The following N4BP2L2 variants were observed in gnomAD, a reference collection of about 807,000 sequenced individuals.
The protein encoded by N4BP2L2 is NEDD4-binding protein 2-like 2.
A neutral mutation model predicts 56.2 loss-of-function variants in N4BP2L2; 50 were observed. That is an observed-to-expected ratio of 0.89 (90% CI 0.71 to 1.13). The LOEUF (loss-of-function observed/expected upper bound fraction) is 1.13. Among genes scored for constraint, N4BP2L2 ranks in the 50% most tolerant of loss-of-function variants. The pLI is 0.00. For synonymous variants in N4BP2L2, 203 were observed against 223.6 expected (o/e 0.91, Z 0.82); for missense variants, 689 against 693.8 (o/e 0.99, Z 0.08).
At chr13:32,435,995 T>C (rs1363940488) in intron 9 of N4BP2L2, among the ~76,000 whole-genome samples, 1 of 152,200 alleles carries the variant, frequency 6.6e-6, no homozygotes, top group Non-Finnish European at 1.5e-5. Flanking sequence ...TCCTAGAGAA[T>C]CTAATATTTA....
At chr13:32,478,125 G>C (rs144838586) in intron 6 of N4BP2L2, 1 of 1,153,004 alleles carries the variant, frequency 8.7e-7, no homozygotes, top group South Asian at 1.4e-5. Context: ...AGTAAATAAC[G>C]TCTACGCCAT....
chr13:32,518,051 G>C (rs772875009), intron 5 of N4BP2L2, 48 bp from the exon 6 acceptor site: 1 of 1,535,702 alleles, frequency 6.5e-7, no homozygotes, highest in Admixed American at 2.0e-5. Flanking sequence ...GAATGTACAG[G>C]CTTAGAGATT....
intron 2 of N4BP2L2, among the ~76,000 whole-genome samples, chr13:32,534,391 A>T (rs2055939059): frequency 6.6e-6 from 1 of 151,846 alleles, no homozygotes; most frequent in Non-Finnish European, 1.5e-5. Context: ...TTCTATACCC[A>T]CTCTTAGTCA....
intron 6 of N4BP2L2, among the ~76,000 whole-genome samples, chr13:32,492,390 C>T (rs2087367727): frequency 6.7e-6 from 1 of 149,272 alleles, no homozygotes; most frequent in African/African-American, 2.5e-5. Context: ...TCACGCCATT[C>T]CCCTGCCTCA....
At chr13:32,536,798 T>A in exon 2 of N4BP2L2, 1 of 1,614,112 alleles carries the variant, frequency 6.2e-7, no homozygotes, top group East Asian at 2.2e-5. Flanking sequence ...TCTATGCAAA[T>A]CTGTAGTTTT....
At chr13:32,453,045 G>C (rs556473120) in intron 6 of N4BP2L2, among the ~76,000 whole-genome samples, 6 of 152,030 alleles carry the variant, frequency 3.9e-5, no homozygotes, top group African/African-American at 1.4e-4. Flanking sequence ...GATCACCTAC[G>C]GTTGGGAATT....
At chr13:32,434,248 C>CTTTTTTTTTTTTTTTTTTTTTTTTTTT (rs369328452) in intron 9 of N4BP2L2, among the ~76,000 whole-genome samples, 1 of 112,038 alleles carries the variant, frequency 8.9e-6, no homozygotes. Context: ...AGCTAATTTT[C>CTTTTTTTTTTTTTTTTTTTTTTTTTTT]TTTTTTTCTT....
At chr13:32,484,860 G>A (rs2085539781) in intron 6 of N4BP2L2, among the ~76,000 whole-genome samples, 2 of 152,302 alleles carry the variant, frequency 1.3e-5, no homozygotes, top group South Asian at 4.1e-4. Context: ...GTTAGAATAT[G>A]TTGAATTATT....
downstream of N4BP2L2, chr13:32,508,325 G>A (rs2091269824): frequency 6.6e-6 from 1 of 152,138 alleles, no homozygotes; most frequent in Non-Finnish European, 1.5e-5. Flanking sequence ...TTTTAAATCG[G>A]AAGACTTGAT....
At chr13:32,453,940 T>C (rs776083082) in intron 6 of N4BP2L2, among the ~76,000 whole-genome samples, 1 of 152,154 alleles carries the variant, frequency 6.6e-6, no homozygotes, top group Non-Finnish European at 1.5e-5. Flanking sequence ...CCACTGTCAG[T>C]TGGGGTAAGG....
intron 2 of N4BP2L2, 67 bp from the exon 3 acceptor site, chr13:32,527,599 GAAAT>G (rs1465792029): frequency 1.2e-5 from 18 of 1,510,522 alleles, no homozygotes; most frequent in Middle Eastern, 3.4e-4. Flanking sequence ...TAAACTATCA[GAAAT>G]AAATATAACC....
intron 6 of N4BP2L2, among the ~76,000 whole-genome samples, chr13:32,468,268 CA>C (rs59875338): frequency 0.042 from 4,399 of 103,888 alleles, 142 homozygotes; most frequent in African/African-American, 0.14. Context: ...CAAAAAGAGA[CA>C]AAAAAAAAAA....
chr13:32,487,138 GTAAC>G (rs2086064487), intron 6 of N4BP2L2, among the ~76,000 whole-genome samples: 1 of 152,114 alleles, frequency 6.6e-6, no homozygotes, highest in Non-Finnish European at 1.5e-5. Context: ...ACCTGCCTAG[GTAAC>G]ATGGTGAGAC....
At chr13:32,465,885 C>A (rs1401753446) in intron 6 of N4BP2L2, among the ~76,000 whole-genome samples, 4 of 152,158 alleles carry the variant, frequency 2.6e-5, no homozygotes, top group Non-Finnish European at 5.9e-5. Context: ...AACTCCTGAC[C>A]TCATGATCCA....
At chr13:32,535,938 C>G (rs2056441481) in exon 2 of N4BP2L2, 2 of 1,614,070 alleles carry the variant, frequency 1.2e-6, no homozygotes, top group East Asian at 2.2e-5. Flanking sequence ...TCACAGAAAC[C>G]ATTACTCACA....
chr13:32,455,788 G>A (rs768458905), intron 6 of N4BP2L2, among the ~76,000 whole-genome samples: 6 of 152,044 alleles, frequency 3.9e-5, no homozygotes, highest in Admixed American at 6.5e-5. Flanking sequence ...CGGGATCTCC[G>A]CACTCCTCTT....
At chr13:32,432,984 C>CT (rs1218914618) in intron 9 of N4BP2L2, 5 of 152,250 alleles carry the variant, frequency 3.3e-5, no homozygotes, top group Non-Finnish European at 7.3e-5. Flanking sequence ...TACAAGCAAA[C>CT]ACAAGCCCAG....
At chr13:32,526,818 G>GTTTTTTTTTTTGTT (rs2053015325) in intron 3 of N4BP2L2, 1 of 24,236 alleles carries the variant, frequency 4.1e-5, no homozygotes, top group African/African-American at 1.4e-4. Flanking sequence ...CTTTTTGTCT[G>GTTTTTTTTTTTGTT]TTTTTTTTTT....
At chr13:32,538,291 C>T (rs986397871) in intron 1 of N4BP2L2, among the ~76,000 whole-genome samples, 2 of 150,924 alleles carry the variant, frequency 1.3e-5, no homozygotes, top group African/African-American at 5.0e-5. Flanking sequence ...CTCGGTTTCT[C>T]CTTTCCTCAT....
Sources: gnomAD v4.1 joint callset for allele counts (sites outside exome capture counted in the v4.1 genomes callset) on GRCh38, gnomAD v4.1.1 for gene constraint, MANE v1.5 for transcripts, NCBI Gene and HGNC (gene_info 2026-07-23, HGNC 2026-07-21) for gene names.